The following MAP2K7 variants were observed in gnomAD, a reference collection of about 807,000 sequenced individuals.
MAP2K7 encodes mitogen-activated protein kinase kinase 7.
Under a neutral mutation model 47.7 loss-of-function variants are expected in MAP2K7, and 12 were observed. The ratio of observed to expected loss-of-function variants is 0.25; its 90% confidence interval spans 0.16 to 0.41. The LOEUF (loss-of-function observed/expected upper bound fraction) is 0.41, where lower values mean the gene tolerates loss of function less well. MAP2K7 is among the 10% of genes least tolerant of loss of function. The probability of loss-of-function intolerance (pLI) is 1.00; values close to 1 mark genes in which losing one functional copy is unlikely to be tolerated. For missense variants in MAP2K7, 415 were observed against 600.3 expected, an observed-to-expected ratio of 0.69 and a Z score of 3.23; for synonymous variants, 299 against 243.0, an observed-to-expected ratio of 1.23 and a Z score of -2.14.
At chr19:7,908,752 C>T (rs750226899) in intron 1 of MAP2K7, among the ~76,000 whole-genome samples, 1 of 152,060 alleles carries the variant, frequency 6.6e-6, no homozygotes, top group Admixed American at 6.5e-5. Context: ...GCCTCTGTTC[C>T]TGCACCCTGT....
At chr19:7,906,052 T>TCCC (rs1172510228) in intron 1 of MAP2K7, 7 of 596,010 alleles carry the variant, frequency 1.2e-5, no homozygotes, top group South Asian at 1.9e-5. Flanking sequence ...TCCCTCCTCC[T>TCCC]CCCCCTCCCT....
chr19:7,910,877 G>C (rs901304519), intron 6 of MAP2K7, 74 bp downstream of exon 6: 40 of 1,588,956 alleles, frequency 2.5e-5, no homozygotes, highest in Non-Finnish European at 3.0e-5. Context: ...CGTGCACTGG[G>C]CAAGATGACA....
In MAP2K7 at chr19:7,913,960, C is replaced by T. The variant is rs1983117975; in HGVS notation, c.*1529C>T. 1 of 152,300 alleles carries T rather than the reference C, an allele frequency of 6.6e-6. No individual in the cohort carries two copies. The highest frequency in any genetic ancestry group is 2.4e-5 in the African/African-American group (1 of 41,426). The allele number at this position is 152,300 out of a possible 1,614,324, so 9.4% of individuals were successfully genotyped here. A position where few individuals can be genotyped will look rare whatever the true frequency, so the allele number is the denominator to read the frequency against. ...TAAAAAGTCATAGATGTCATCTTCTCTCTGCCCCCAGGGAGGAAAGCCACC... is the reference window on the plus strand; with the variant it reads ...TAAAAAGTCATAGATGTCATCTTCTTTCTGCCCCCAGGGAGGAAAGCCACC... On this transcript the variant is annotated 3_prime_UTR_variant, in exon 11 of 11. Transcript: ENST00000397979.
chr19:7,904,516 C>A, intron 1 of MAP2K7: 2 of 294,214 alleles, frequency 6.8e-6, no homozygotes, highest in Non-Finnish European at 1.4e-5. Flanking sequence ...ACGATCTACG[C>A]ACACGCGCAC....
At position 7,904,088 on chromosome 19, in the gene MAP2K7, G is replaced by A; in HGVS notation, c.124+20G>A. On this transcript the variant is annotated intron_variant, in intron 1 of 10. Transcript: ENST00000397979. ...GGCCCAGTAAGCACGGCGGCGTGGG[G>A]GAGGGGGCGGGCGGGCGGGGCGGGG... The A allele has an allele frequency of 7.8e-7, 1 of 1,278,186 alleles. No individual in the cohort carries two copies. Among genetic ancestry groups the A allele is most frequent in the Non-Finnish European group, 9.9e-7 (1 of 1,010,022 alleles). The allele number at this position is 1,278,186 out of a possible 1,614,324, so 79.2% of individuals were successfully genotyped here.
intron 1 of MAP2K7, among the ~76,000 whole-genome samples, chr19:7,904,762 G>T (rs765357075): frequency 2.0e-5 from 3 of 152,006 alleles, no homozygotes; most frequent in Non-Finnish European, 4.4e-5. Flanking sequence ...CACCATCTTG[G>T]TGAGCGTGTG....
At position 7,910,586 on chromosome 19, in the gene MAP2K7, C is replaced by T. The variant is rs201940881; in HGVS notation, c.567+14C>T. ...TTCATCACCAACGTGAGTACCTGGC[C>T]GCGCCCTGCAGCGTCTCCTCCTCCC... is the stretch of plus-strand genomic sequence containing the variant. On this transcript the variant is annotated intron_variant, in intron 5 of 10. Transcript: ENST00000397979. 4.9e-5 allele frequency: 79 copies of T among 1,613,308 alleles called. No individual in the cohort carries two copies. Among genetic ancestry groups the T allele is most frequent in the African/African-American group, 3.5e-4 (26 of 75,052 alleles).
Position 7,910,089 on chromosome 19 carries a change from A to C in MAP2K7, c.293A>C (p.Glu98Ala). The change falls in exon 3 of 11, where the codon GAG (glutamate) becomes GCG (alanine). Residue 98 changes from glutamate to alanine, a missense_variant. Glu to Ala is a moderately radical substitution (Grantham distance 107). Transcript: ENST00000397979. ...ATTGAGATTGACCAGAAGCTGCAGG[A>C]GATCATGAAGCAGACGGGCTACCTG... ...ESIEIDQKLQ[E>A]IMKQTGYLTI... The C allele has an allele frequency of 6.2e-7, 1 of 1,606,486 alleles. No individual in the cohort carries two copies. The highest frequency in any genetic ancestry group is 8.5e-7 in the Non-Finnish European group (1 of 1,177,438).
chr19:7,911,709 T>C (rs1463660742), intron 9 of MAP2K7, 131 bp downstream of exon 9: 1 of 986,380 alleles, frequency 1.0e-6, no homozygotes, highest in Non-Finnish European at 1.5e-6. Context: ...GGCTCCTGGC[T>C]GGCGGCTGCC....
intron 10 of MAP2K7, 46 bp downstream of exon 10, chr19:7,912,240 C>T (rs761384049): frequency 1.4e-5 from 22 of 1,613,270 alleles, no homozygotes; most frequent in Admixed American, 1.7e-5. Context: ...CCTGCGGAGG[C>T]GCGAGGCCAG....
At position 7,913,041 on chromosome 19, in the gene MAP2K7, G is replaced by GCTCTCTCTCT; in HGVS notation, c.*611_*612insTCTCTCTCTC. On this transcript the variant is annotated 3_prime_UTR_variant, in exon 11 of 11. Coordinates refer to ENST00000397979, the MANE Select transcript of MAP2K7 (RefSeq NM_145185.4). ...TGCGGCTGGACGGGGCTGCGCGCTC[G>GCTCTCTCTCT]CGCTCTCTCTCTCTCTCTCTCTCTC... The GCTCTCTCTCT allele has an allele frequency of 7.4e-6, 1 of 134,994 alleles. No individual in the cohort carries two copies. Among genetic ancestry groups the GCTCTCTCTCT allele is most frequent in the Non-Finnish European group, 1.7e-5 (1 of 58,332 alleles). 8.4% of individuals were successfully genotyped at this position (134,994 alleles called of 1,614,324 possible). A position where few individuals can be genotyped will look rare whatever the true frequency, so the allele number is the denominator to read the frequency against.
At chr19:7,904,229 C>CG (rs1286918411) in intron 1 of MAP2K7, among the ~76,000 whole-genome samples, 161 bp downstream of exon 1, 1 of 151,928 alleles carries the variant, frequency 6.6e-6, no homozygotes, top group Admixed American at 6.5e-5. Context: ...CACGGTGACC[C>CG]GGGGGGCGTG....
At chr19:7,905,063 G>A (rs987207670) in intron 1 of MAP2K7, among the ~76,000 whole-genome samples, 2 of 150,582 alleles carry the variant, frequency 1.3e-5, no homozygotes, top group South Asian at 2.1e-4. Context: ...CTAGTCTCCC[G>A]GCTTTTTCCC....
intron 1 of MAP2K7, among the ~76,000 whole-genome samples, chr19:7,908,390 G>C (rs1982598283): frequency 6.6e-6 from 1 of 152,184 alleles, no homozygotes; most frequent in Admixed American, 6.5e-5. Flanking sequence ...TAGGGGCAAT[G>C]CTGGGCCTCC....
At chr19:7,904,101 G>T in intron 1 of MAP2K7, 33 bp downstream of exon 1, 1 of 1,201,228 alleles carries the variant, frequency 8.3e-7, no homozygotes, top group South Asian at 3.4e-5. Flanking sequence ...GGGGGCGGGC[G>T]GGCGGGGCGG....
chr19:7,909,660 G>A, intron 1 of MAP2K7, 95 bp from the exon 2 acceptor site: 1 of 685,940 alleles, frequency 1.5e-6, no homozygotes. Flanking sequence ...GGAGGGGAAG[G>A]TGAGGGTCCC....
At chr19:7,906,068 C>T in intron 1 of MAP2K7, 1 of 592,994 alleles carries the variant, frequency 1.7e-6, no homozygotes, top group Non-Finnish European at 3.0e-6. Context: ...TCCCTTACTC[C>T]CAGCTCCACT....
intron 1 of MAP2K7, 75 bp downstream of exon 1, chr19:7,904,143 A>G (rs1056146349): frequency 1.4e-5 from 16 of 1,144,800 alleles, no homozygotes; most frequent in Non-Finnish European, 1.6e-5. Context: ...CGCCCCCACC[A>G]CAAGGCCCCG....
chr19:7,909,824 C>T lies in MAP2K7; in HGVS notation c.194C>T (p.Pro65Leu), dbSNP rs1440233859. The T allele has an allele frequency of 1.3e-6, 2 of 1,541,948 alleles. No individual in the cohort carries two copies. Among genetic ancestry groups the T allele is most frequent in the Admixed American group, 2.0e-5 (1 of 50,612 alleles). ...TCCTCAGAGAGCTCCCCGCAGCACC[C>T]CACGCCCCCCGCCCGGCCCCGCCAC... Reference protein sequence around the residue: ...SPSSESSPQHPTPPARPRHML... With the variant: ...SPSSESSPQHLTPPARPRHML... Residue 65 changes from proline (P) to leucine (L), a missense_variant, in exon 2 of 11, where the codon CCC (proline) becomes CTC (leucine). By Grantham distance (98) the Pro-to-Leu change is moderately conservative (BLOSUM62 -3). Around this residue, in one of 3 missense-constraint regions of MAP2K7, gnomAD observed 115 missense variants for 126.2 expected, o/e 0.91. Coordinates refer to ENST00000397979, the MANE Select transcript of MAP2K7 (RefSeq NM_145185.4).
Sources: allele counts gnomAD v4.1 joint callset (sites outside exome capture counted in the v4.1 genomes callset), GRCh38; gene constraint gnomAD v4.1.1; regional missense constraint gnomAD v4.1.1; transcripts MANE v1.5; gene names NCBI Gene and HGNC (gene_info 2026-07-23, HGNC 2026-07-21).